The following PIK3AP1 variants were observed in gnomAD, a reference collection of about 807,000 sequenced individuals.
The protein encoded by PIK3AP1 is phosphoinositide-3-kinase adaptor protein 1.
In PIK3AP1, 21 loss-of-function variants were observed where a neutral mutation model predicts 88.1. The ratio of observed to expected loss-of-function variants is 0.24; its 90% CI spans 0.17 to 0.34. PIK3AP1 has a LOEUF of 0.34. Ranked by LOEUF, PIK3AP1 falls within the 10% of genes least tolerant of loss-of-function variation. The pLI, the probability that PIK3AP1 is intolerant of heterozygous loss-of-function variation, is 1.00. For synonymous variants in PIK3AP1, 398 were observed against 400.0 expected (o/e 1.00, Z 0.06); for missense variants, 828 against 1,035.7 (o/e 0.80, Z 2.75).
intron 6 of PIK3AP1, among the ~76,000 whole-genome samples, chr10:96,649,483 A>G (rs1431688704): frequency 1.3e-5 from 2 of 152,268 alleles, no homozygotes; most frequent in Admixed American, 1.3e-4. Context: ...CACACAGTAC[A>G]ATAGGAATCA....
intron 8 of PIK3AP1, 77 bp downstream of exon 8, chr10:96,645,396 C>T (rs888533608): frequency 8.5e-5 from 126 of 1,483,316 alleles, no homozygotes; most frequent in South Asian, 7.5e-4. Flanking sequence ...GGGACTGCCC[C>T]GCGCCATCTT....
chr10:96,685,043 G>A (rs905623426), intron 2 of PIK3AP1, among the ~76,000 whole-genome samples: 1 of 152,084 alleles, frequency 6.6e-6, no homozygotes, highest in Non-Finnish European at 1.5e-5. Context: ...GCAGACGTGT[G>A]GCTTTTGCGG....
At chr10:96,614,854 C>T (rs1053647505) in intron 13 of PIK3AP1, among the ~76,000 whole-genome samples, 6 of 152,216 alleles carry the variant, frequency 3.9e-5, no homozygotes, top group South Asian at 2.1e-4. Context: ...GGGGACTCCA[C>T]GGAGCACACA....
intron 12 of PIK3AP1, among the ~76,000 whole-genome samples, chr10:96,617,771 C>A (rs1287697510): frequency 6.6e-6 from 1 of 152,160 alleles, no homozygotes; most frequent in Non-Finnish European, 1.5e-5. Flanking sequence ...GAGGTCTGAT[C>A]TCCCTCTCCT....
intron 2 of PIK3AP1, among the ~76,000 whole-genome samples, chr10:96,674,253 A>C (rs112428288): frequency 2.8e-4 from 43 of 152,240 alleles, no homozygotes; most frequent in Non-Finnish European, 4.4e-4. Context: ...CTAGCAGCAC[A>C]AACGCAATTA....
intron 11 of PIK3AP1, among the ~76,000 whole-genome samples, chr10:96,622,339 GC>G (rs754342283): frequency 6.6e-6 from 1 of 152,328 alleles, no homozygotes; most frequent in East Asian, 1.9e-4. Flanking sequence ...TGGGGAATGA[GC>G]TACTCGCAGC....
intron 3 of PIK3AP1, 132 bp from the exon 4 acceptor site, chr10:96,652,974 G>A: frequency 9.8e-7 from 1 of 1,018,220 alleles, no homozygotes. Flanking sequence ...TGGACTCAGT[G>A]GTCCAGTGCT....
intron 1 of PIK3AP1, 107 bp from the exon 2 acceptor site, chr10:96,710,090 A>C: frequency 8.8e-7 from 1 of 1,133,460 alleles, no homozygotes; most frequent in Non-Finnish European, 1.2e-6. Flanking sequence ...GGCACCCACA[A>C]TCTTTCGTGG....
At chr10:96,703,710 C>T (rs151101856) in intron 2 of PIK3AP1, among the ~76,000 whole-genome samples, 34 of 152,278 alleles carry the variant, frequency 2.2e-4, no homozygotes, top group Non-Finnish European at 2.9e-5. Flanking sequence ...ATCAATAGTC[C>T]AGTCTTCTAT....
intron 2 of PIK3AP1, among the ~76,000 whole-genome samples, chr10:96,707,914 A>G (rs1844386015): frequency 6.6e-6 from 1 of 152,238 alleles, no homozygotes; most frequent in Non-Finnish European, 1.5e-5. Flanking sequence ...TTCAGGTGAG[A>G]CATGTTTTAC....
At chr10:96,719,251 T>C (rs1383408742) in intron 1 of PIK3AP1, among the ~76,000 whole-genome samples, 1 of 152,178 alleles carries the variant, frequency 6.6e-6, no homozygotes, top group East Asian at 1.9e-4. Context: ...CTACCTCTGC[T>C]TCCGAAGCAC....
At chr10:96,626,148 A>T (rs1843151307) in intron 10 of PIK3AP1, among the ~76,000 whole-genome samples, 1 of 152,218 alleles carries the variant, frequency 6.6e-6, no homozygotes, top group African/African-American at 2.4e-5. Context: ...TGTCCCAGGG[A>T]TGATTAAGAA....
In PIK3AP1 at chr10:96,597,267, TTTCTTTCCTTCCTTCC is replaced by T. The variant is rs1379344132; in HGVS notation, c.2361-1649_2361-1634del. ...TCTGCCTTCTTTTTTTCTTTCTTTC[TTTCTTTCCTTCCTTCC>T]TTCCTTCCTTCCTTCCTTCCTTCCT... On this transcript the variant is annotated intron_variant, in intron 16 of 16. Coordinates refer to ENST00000339364, the MANE Select transcript of PIK3AP1 (RefSeq NM_152309.3). Among the ~76,000 whole-genome samples the T allele has an allele frequency of 7.0e-3, 856 of 122,252 alleles. 5 individuals carry two copies. Among genetic ancestry groups the T allele is most frequent in the Non-Finnish European group, 9.5e-3 (522 of 54,870 alleles). The allele number at this position is 122,252 out of a possible 152,430, so 80.2% of individuals were successfully genotyped here.
chr10:96,615,972 G>T (rs1406956493), intron 13 of PIK3AP1, among the ~76,000 whole-genome samples: 1 of 152,218 alleles, frequency 6.6e-6, no homozygotes. Context: ...TGCTCCTCTT[G>T]CTATAAGGCT....
At chr10:96,708,790 G>A (rs567880716) in intron 2 of PIK3AP1, among the ~76,000 whole-genome samples, 7 of 152,020 alleles carry the variant, frequency 4.6e-5, no homozygotes, top group Admixed American at 2.6e-4. Flanking sequence ...CTAGGCTGGT[G>A]GGAAATAGAG....
intron 13 of PIK3AP1, among the ~76,000 whole-genome samples, chr10:96,613,252 G>A (rs1849158931): frequency 6.6e-6 from 1 of 151,818 alleles, no homozygotes; most frequent in African/African-American, 2.4e-5. Flanking sequence ...TCCCACTTCA[G>A]CCTCCCAAAG....
intron 2 of PIK3AP1, among the ~76,000 whole-genome samples, chr10:96,660,696 AC>A (rs1219016775): frequency 1.3e-5 from 2 of 152,184 alleles, no homozygotes; most frequent in African/African-American, 4.8e-5. Flanking sequence ...TCACACAAAA[AC>A]CTGCACACAA....
chr10:96,718,901 C>T (rs530823963), intron 1 of PIK3AP1, among the ~76,000 whole-genome samples: 3 of 152,142 alleles, frequency 2.0e-5, no homozygotes, highest in African/African-American at 4.8e-5. Context: ...TTTCCTTTAA[C>T]GCACCACATA....
intron 1 of PIK3AP1, among the ~76,000 whole-genome samples, chr10:96,712,654 T>C (rs1047661107): frequency 6.6e-6 from 1 of 152,252 alleles, no homozygotes; most frequent in Non-Finnish European, 1.5e-5. Context: ...TGTCCTTCCT[T>C]CCTATGTGGC....
Sources: gnomAD v4.1 joint callset for allele counts (sites outside exome capture counted in the v4.1 genomes callset) on GRCh38, gnomAD v4.1.1 for gene constraint, MANE v1.5 for transcripts, NCBI Gene and HGNC (gene_info 2026-07-23, HGNC 2026-07-21) for gene names.